OR51B5: variants seen among roughly 807,000 people sequenced by gnomAD.
OR51B5 encodes the protein olfactory receptor family 51 subfamily B member 5, also known as olfactory receptor 51B5.
For synonymous variants in OR51B5, 186 were observed against 144.8 expected, an observed-to-expected ratio of 1.28 and a Z score of -2.04; for missense variants, 456 against 374.6, an observed-to-expected ratio of 1.22 and a Z score of -1.79.
At chr11:5,423,972 T>C (rs549051809) in intron 1 of OR51B5, among the ~76,000 whole-genome samples, 280 of 152,298 alleles carry the variant, frequency 1.8e-3, no homozygotes, top group Admixed American at 4.2e-3. Context: ...TACAGGCAGA[T>C]TTCCTTGGGC....
At chr11:5,340,844 A>G (rs1466456354), downstream of OR51B5, 2 of 152,196 alleles carry the variant, frequency 1.3e-5, no homozygotes, top group East Asian at 1.9e-4. Flanking sequence ...CTACCCCACA[A>G]TATTTTTATG....
At chr11:5,362,010 A>G (rs568830606) in intron 1 of OR51B5, among the ~76,000 whole-genome samples, 1 of 152,368 alleles carries the variant, frequency 6.6e-6, no homozygotes, top group African/African-American at 2.4e-5. Context: ...GATTAGTGTC[A>G]GATTGAGTAA....
intron 1 of OR51B5, among the ~76,000 whole-genome samples, chr11:5,491,944 G>C (rs1266322675): frequency 1.3e-5 from 2 of 152,128 alleles, no homozygotes; most frequent in Non-Finnish European, 2.9e-5. Flanking sequence ...CCTTCTCCTG[G>C]ACCACTTTGA....
chr11:5,503,085 A>T (rs996427939), intron 1 of OR51B5, among the ~76,000 whole-genome samples: 1 of 152,232 alleles, frequency 6.6e-6, no homozygotes, highest in African/African-American at 2.4e-5. Flanking sequence ...AATATATAAA[A>T]GTACAAACAT....
At chr11:5,360,734 A>ACAATGT (rs1849270893) in intron 1 of OR51B5, among the ~76,000 whole-genome samples, 1 of 149,982 alleles carries the variant, frequency 6.7e-6, no homozygotes, top group Non-Finnish European at 1.5e-5. Context: ...AAGACTTGGA[A>ACAATGT]CCAACCCAAA....
chr11:5,375,191 A>C (rs1202608282), intron 1 of OR51B5, among the ~76,000 whole-genome samples: 1 of 143,004 alleles, frequency 7.0e-6, no homozygotes, highest in East Asian at 2.0e-4. Flanking sequence ...ACATCCTTAA[A>C]GGAAAGAATT....
Position 5,363,237 on chromosome 11 carries a change from T to TCACACACACA in OR51B5, n.85-16337_85-16328dup, listed in dbSNP as rs3219794. Among the ~76,000 whole-genome samples, 4 of 143,120 alleles carry TCACACACACA rather than the reference T, an allele frequency of 2.8e-5. No individual in the cohort carries two copies. In the East Asian group the frequency reaches 8.7e-4, roughly 31 times the overall value. 93.9% of individuals were successfully genotyped at this position (143,120 alleles called of 152,430 possible). ...GTTTCCCCACAACGAACCCAACCCC[T>TCACACACACA]CACACACACACACACACACACACAC... On this transcript the variant is annotated intron_variant and non_coding_transcript_variant, in intron 1 of 4. Coordinates refer to the OR51B5 transcript ENST00000415970.
intron 1 of OR51B5, among the ~76,000 whole-genome samples, chr11:5,374,887 G>A (rs558364522): frequency 5.9e-5 from 9 of 151,906 alleles, no homozygotes; most frequent in South Asian, 2.1e-4. Flanking sequence ...GGGGAGAATC[G>A]AACCAAGTTG....
intron 1 of OR51B5, among the ~76,000 whole-genome samples, chr11:5,373,587 G>T (rs995146608): frequency 5.3e-5 from 8 of 152,176 alleles, no homozygotes; most frequent in Admixed American, 3.3e-4. Flanking sequence ...AAGGAAAGGG[G>T]TGACATACGG....
At chr11:5,346,855 AGCAGGGTTCTTGTGTCTTAC>A (rs1849000199), upstream of OR51B5, 1 of 152,132 alleles carries the variant, frequency 6.6e-6, no homozygotes, top group South Asian at 2.1e-4. Context: ...GGTGAGGAAG[AGCAGGGTTCTTGTGTCTTAC>A]CTAAAGACTT....
At chr11:5,356,996 C>A (rs796890258) in intron 1 of OR51B5, among the ~76,000 whole-genome samples, 1 of 151,974 alleles carries the variant, frequency 6.6e-6, no homozygotes, top group Admixed American at 6.6e-5. Context: ...TGGAAAGGCA[C>A]AACCGGTACC....
chr11:5,373,700 C>T (rs1237064252), intron 1 of OR51B5, among the ~76,000 whole-genome samples: 1 of 152,194 alleles, frequency 6.6e-6, no homozygotes, highest in Non-Finnish European at 1.5e-5. Context: ...CTCCGAGGGT[C>T]CTACGCCCAC....
intron 1 of OR51B5, among the ~76,000 whole-genome samples, chr11:5,497,335 C>G (rs1472952137): frequency 6.6e-6 from 1 of 152,170 alleles, no homozygotes; most frequent in African/African-American, 2.4e-5. Context: ...TCGCTTGCAC[C>G]TGGGAGGCAG....
At chr11:5,374,097 G>A (rs1467317790) in intron 1 of OR51B5, among the ~76,000 whole-genome samples, 1 of 151,998 alleles carries the variant, frequency 6.6e-6, no homozygotes, top group East Asian at 1.9e-4. Flanking sequence ...AGGGCAGACT[G>A]ACACCTCACA....
intron 1 of OR51B5, among the ~76,000 whole-genome samples, chr11:5,434,378 T>A (rs975657135): frequency 1.3e-5 from 2 of 152,310 alleles, no homozygotes; most frequent in Admixed American, 1.3e-4. Context: ...ACTAGACCAC[T>A]CAGCATCCTG....
At chr11:5,485,544 G>C (rs1055691707) in intron 1 of OR51B5, among the ~76,000 whole-genome samples, 1 of 152,148 alleles carries the variant, frequency 6.6e-6, no homozygotes, top group Non-Finnish European at 1.5e-5. Flanking sequence ...AACTCAGAGT[G>C]AAAGTCAAAG....
chr11:5,349,069 TC>T (rs1849036169), intron 1 of OR51B5, among the ~76,000 whole-genome samples: 1 of 152,118 alleles, frequency 6.6e-6, no homozygotes, highest in African/African-American at 2.4e-5. Context: ...AGAATTAGTT[TC>T]TCATTAATAA....
intron 1 of OR51B5, among the ~76,000 whole-genome samples, chr11:5,407,782 T>C (rs1850080892): frequency 6.6e-6 from 1 of 152,104 alleles, no homozygotes; most frequent in Admixed American, 6.6e-5. Flanking sequence ...TTCAATGTTA[T>C]TCAAAATATC....
At chr11:5,407,894 TAATAA>T (rs1850083342) in intron 1 of OR51B5, among the ~76,000 whole-genome samples, 1 of 152,162 alleles carries the variant, frequency 6.6e-6, no homozygotes, top group South Asian at 2.1e-4. Context: ...ATCCACATTT[TAATAA>T]AATGTTATTG....
Sources: gnomAD v4.1 joint callset for allele counts (sites outside exome capture counted in the v4.1 genomes callset) on GRCh38, gnomAD v4.1.1 for gene constraint, MANE v1.5 for transcripts, NCBI Gene and HGNC (gene_info 2026-07-23, HGNC 2026-07-21) for gene names.